Variants in ACTB observed in about 807,000 individuals in gnomAD.
The protein encoded by ACTB is actin, cytoplasmic 1.
A neutral mutation model predicts 30.5 loss-of-function variants in ACTB; 2 were observed. The ratio of observed to expected loss-of-function variants is 0.07; its 90% CI spans 0.03 to 0.21. The LOEUF (loss-of-function observed/expected upper bound fraction) is 0.21, where lower values mean the gene tolerates loss of function less well. ACTB is among the 10% of genes least tolerant of loss of function. The pLI is 1.00. For synonymous variants in ACTB, 335 were observed against 217.6 expected (o/e 1.54, Z -4.75); for missense variants, 56 against 530.0 (o/e 0.11, Z 8.78).
chr7:5,529,296 G>T lies in ACTB; in HGVS notation c.228C>A (p.Val76=), dbSNP rs1562719788. 2 of 1,613,964 alleles carry T rather than the reference G, an allele frequency of 1.2e-6. No homozygotes were observed. Among genetic ancestry groups the T allele is most frequent in the Admixed American group, 1.7e-5 (1 of 60,018 alleles). Residue 76 remains valine (V), a synonymous_variant, in exon 3 of 6, where the codon GTC becomes GTA. Transcript: ENST00000646664. The part of the protein sequence containing the change: ...TLKYPIEHGI[V]TNWDDMEKIW... ...TTTTCTCCATGTCGTCCCAGTTGGT[G>T]ACGATGCCGTGCTCGATGGGGTACT...
intron 3 of ACTB, 139 bp downstream of exon 3, chr7:5,529,022 C>T (rs1312668800): frequency 1.2e-6 from 2 of 1,611,048 alleles, no homozygotes; most frequent in East Asian, 4.5e-5. Flanking sequence ...ATAGAACCTG[C>T]AGAGTTCCAA....
chr7:5,529,731 G>C, intron 1 of ACTB, 68 bp from the exon 2 acceptor site: 1 of 1,606,718 alleles, frequency 6.2e-7, no homozygotes, highest in Non-Finnish European at 8.5e-7. Flanking sequence ...GGCGCGCCGA[G>C]TCCTTAGGCC....
At chr7:5,529,126 G>A (rs747131945) in intron 3 of ACTB, 35 bp downstream of exon 3, 5 of 1,613,764 alleles carry the variant, frequency 3.1e-6, no homozygotes, top group Middle Eastern at 1.7e-4. Flanking sequence ...AGGAAGGAGG[G>A]AGGCGGCCAC....
chr7:5,529,592 C>G lies in ACTB; in HGVS notation c.66G>C (p.Ala22=). ...NGSGMCKAGF[A]GDDAPRAVFP... is the part of the protein sequence containing the mutation. ...AGACGGCCCGGGGGGCATCGTCGCC[C>G]GCGAAGCCGGCCTTGCACATGCCGG... The change falls in exon 2 of 6, where the codon GCG becomes GCC. Residue 22 remains alanine (A), a synonymous_variant. Coordinates refer to ENST00000646664, the MANE Select transcript of ACTB (RefSeq NM_001101.5). 1 of 1,611,484 alleles carries G rather than the reference C, an allele frequency of 6.2e-7. No homozygotes were observed. Among genetic ancestry groups the G allele is most frequent in the East Asian group, 2.2e-5 (1 of 44,872 alleles).
chr7:5,527,911 G>A lies in ACTB; in HGVS notation c.985-20C>T, dbSNP rs1784799988. 2.5e-6 allele frequency: 4 copies of A among 1,613,026 alleles called. No individual in the cohort carries two copies. Among genetic ancestry groups the A allele is most frequent in the Non-Finnish European group, 2.5e-6 (3 of 1,179,140 alleles). On this transcript the variant is annotated intron_variant, in intron 5 of 5. Transcript: ENST00000646664. Reference sequence around the variant, plus strand: ...AATGATCTGAGGAGGGAAGGGGACAGGCAGTGAGGACCCTGGATGTGACAG... The same window carrying A: ...AATGATCTGAGGAGGGAAGGGGACAAGCAGTGAGGACCCTGGATGTGACAG...
At chr7:5,528,223 C>G (rs149428488) in intron 4 of ACTB, 38 bp from the exon 5 acceptor site, 2 of 1,613,868 alleles carry the variant, frequency 1.2e-6, no homozygotes, top group East Asian at 2.2e-5. Flanking sequence ...GCTTCCACAG[C>G]ACAGCCCCGA....
At chr7:5,529,492 C>T (rs1784837147) in intron 2 of ACTB, 43 bp downstream of exon 2, 1 of 1,612,146 alleles carries the variant, frequency 6.2e-7, no homozygotes, top group African/African-American at 1.3e-5. Context: ...GCCCTTGCCT[C>T]CCGCCCGCTC....
rs1391022540 is a variant in ACTB, at chr7:5,530,565, G to A, written c.-48C>T. 1.3e-5 allele frequency: 2 copies of A among 152,352 alleles called. No individual in the cohort carries two copies. Among genetic ancestry groups the A allele is most frequent in the East Asian group, 1.9e-4 (1 of 5,154 alleles). The allele number at this position is 152,352 out of a possible 1,614,324, so 9.4% of individuals were successfully genotyped here. A position where few individuals can be genotyped will look rare whatever the true frequency, so the allele number is the denominator to read the frequency against. On this transcript the variant is annotated 5_prime_UTR_variant, in exon 1 of 6. Transcript: ENST00000646664. ...ACGGGCGGCGGATCGGCAAAGGCGA[G>A]GCTCTGTGCTCGCGGGGCGGACGCG...
intron 2 of ACTB, 54 bp downstream of exon 2, chr7:5,529,481 C>G: frequency 6.2e-7 from 1 of 1,612,750 alleles, no homozygotes; most frequent in Non-Finnish European, 8.5e-7. Context: ...GCAGAGAAAG[C>G]GCCCTTGCCT....
intron 1 of ACTB, chr7:5,530,016 C>T (rs1784854405): frequency 6.2e-6 from 1 of 161,498 alleles, no homozygotes; most frequent in Admixed American, 6.5e-5. Context: ...CGACCCCACC[C>T]CTTCCGGCCG....
At chr7:5,527,935 A>G in intron 5 of ACTB, 44 bp from the exon 6 acceptor site, 1 of 1,613,030 alleles carries the variant, frequency 6.2e-7, no homozygotes, top group Non-Finnish European at 8.5e-7. Context: ...TGGATGTGAC[A>G]GCTCCCCACA....
chr7:5,528,730 G>C lies in ACTB; in HGVS notation c.364-11C>G, dbSNP rs767863887. On this transcript the variant is annotated splice_polypyrimidine_tract_variant and intron_variant, in intron 3 of 5. Transcript: ENST00000646664. ...GGTCTCAAACATGATCTGTAAGGCA[G>C]AGATACACCATGTCACACTGGGGAA... The C allele has an allele frequency of 1.9e-6, 3 of 1,612,574 alleles. No individual in the cohort carries two copies. Among genetic ancestry groups the C allele is most frequent in the African/African-American group, 1.3e-5 (1 of 74,908 alleles).
rs1304184912 is a variant in ACTB at position 5,527,694 on chromosome 7, G to A, written c.*54C>T. Reference sequence around the variant, plus strand: ...CCATGCCAATCTCATCTTGTTTTCTGCGCAAGTTAGGTTTTGTCAAGAAAG... The same window carrying A: ...CCATGCCAATCTCATCTTGTTTTCTACGCAAGTTAGGTTTTGTCAAGAAAG... On this transcript the variant is annotated 3_prime_UTR_variant, in exon 6 of 6. Coordinates refer to ENST00000646664, the MANE Select transcript of ACTB (RefSeq NM_001101.5). 2.5e-6 allele frequency: 4 copies of A among 1,609,738 alleles called. No individual in the cohort carries two copies. Among genetic ancestry groups the A allele is most frequent in the African/African-American group, 2.7e-5 (2 of 74,614 alleles).
At position 5,529,345 on chromosome 7, in the gene ACTB, C is replaced by T. The variant is rs755437923; in HGVS notation, c.179G>A (p.Ser60Asn). 6.2e-7 allele frequency: 1 copy of T among 1,614,094 alleles called. No homozygotes were observed. The highest frequency in any genetic ancestry group is 2.2e-5 in the East Asian group (1 of 44,890). Reference sequence around the variant, plus strand: ...CTTCAGGGTGAGGATGCCTCTCTTGCTCTGGGCCTCGTCGCCCACATAGGA... The same window carrying T: ...CTTCAGGGTGAGGATGCCTCTCTTGTTCTGGGCCTCGTCGCCCACATAGGA... Reference protein sequence around the residue: ...KDSYVGDEAQSKRGILTLKYP... With the variant: ...KDSYVGDEAQNKRGILTLKYP... Residue 60 changes from serine to asparagine, a missense_variant, in exon 3 of 6, where the codon AGC (serine) becomes AAC (asparagine). Physicochemically the swap from Ser to Asn is conservative, Grantham distance 46. Transcript: ENST00000646664.
chr7:5,529,064 G>A (rs1242452546), intron 3 of ACTB, 97 bp downstream of exon 3: 13 of 1,613,060 alleles, frequency 8.1e-6, no homozygotes, highest in African/African-American at 4.0e-5. Flanking sequence ...AGAGTCCTAC[G>A]GAAAACGGCA....
intron 1 of ACTB, 70 bp from the exon 2 acceptor site, chr7:5,529,733 C>T (rs562136485): frequency 3.7e-6 from 6 of 1,604,736 alleles, no homozygotes; most frequent in South Asian, 2.2e-5. Context: ...CGCGCCGAGT[C>T]CTTAGGCCGC....
intron 5 of ACTB, 55 bp from the exon 6 acceptor site, chr7:5,527,946 C>A: frequency 6.2e-7 from 1 of 1,613,118 alleles, no homozygotes; most frequent in Non-Finnish European, 8.5e-7. Context: ...GCTCCCCACA[C>A]ACCACAGGAC....
rs1232516423 is a variant in ACTB at position 5,527,276 on chromosome 7, G to A, written c.*472C>T. 33 of 244,258 alleles carry A rather than the reference G, an allele frequency of 1.4e-4. No homozygotes were observed. The South Asian group carries it at 1.4e-3, about 10-fold the overall frequency. 15.1% of individuals were successfully genotyped at this position (244,258 alleles called of 1,614,324 possible). On this transcript the variant is annotated 3_prime_UTR_variant, in exon 6 of 6. Transcript: ENST00000646664. ...ATCTCAAGTTGGGGGACAAAAAAGG[G>A]GGAAGGGGGGGCACGAAGGCTCATC...
Position 5,527,986 on chromosome 7 carries a change from G to C in ACTB, c.984+18C>G. 6.2e-7 allele frequency: 1 copy of C among 1,613,172 alleles called. No homozygotes were observed. ...CAGCCGACCTGCCCAGGTCAGCTCAGGCAGGAAAGACACCCACCTTGATCT... is the reference window on the plus strand; with the variant it reads ...CAGCCGACCTGCCCAGGTCAGCTCACGCAGGAAAGACACCCACCTTGATCT... On this transcript the variant is annotated intron_variant, in intron 5 of 5. Transcript: ENST00000646664.
Sources: gnomAD v4.1 joint callset for allele counts on GRCh38, gnomAD v4.1.1 for gene constraint, MANE v1.5 for transcripts, NCBI Gene and HGNC (gene_info 2026-07-23, HGNC 2026-07-21) for gene names.